PRH1: variants seen among roughly 807,000 people sequenced by gnomAD.
The protein encoded by PRH1 is proline rich protein HaeIII subfamily 1.
PRH1 carries 7 observed loss-of-function variants against 7.9 expected under a neutral mutation model. The ratio of observed to expected loss-of-function variants is 0.89; its 90% confidence interval spans 0.50 to 1.67. The LOEUF (loss-of-function observed/expected upper bound fraction) is 1.67, where lower values mean the gene tolerates loss of function less well. Among genes scored for constraint, PRH1 ranks in the 40% most tolerant of loss-of-function variants. PRH1 has a pLI of 0.00. For synonymous variants in PRH1, 45 were observed against 80.8 expected, an observed-to-expected ratio of 0.56 and a Z score of 2.38; for missense variants, 109 against 223.6, an observed-to-expected ratio of 0.49 and a Z score of 3.27.
chr12:11,024,180 T>A (rs1469593724), intron 1 of PRH1, among the ~76,000 whole-genome samples: 1 of 152,270 alleles, frequency 6.6e-6, no homozygotes, highest in Non-Finnish European at 1.5e-5. Context: ...CCCTTCAGTA[T>A]ATAATGAGCA....
chr12:11,023,668 C>T (rs1941769645), intron 1 of PRH1, among the ~76,000 whole-genome samples: 1 of 152,168 alleles, frequency 6.6e-6, no homozygotes, highest in Non-Finnish European at 1.5e-5. Flanking sequence ...TTTCCACTAA[C>T]CATGAGGACA....
intron 1 of PRH1, among the ~76,000 whole-genome samples, chr12:11,164,968 T>C (rs970995684): frequency 2.0e-5 from 3 of 152,188 alleles, no homozygotes; most frequent in Non-Finnish European, 4.4e-5. Context: ...CACTGATCTG[T>C]TTTCTGTCAC....
At chr12:10,890,054 T>C (rs1422483561) in intron 2 of PRH1, among the ~76,000 whole-genome samples, 1 of 152,158 alleles carries the variant, frequency 6.6e-6, no homozygotes, top group African/African-American at 2.4e-5. Context: ...TTTTTGTGAG[T>C]TGTTTTGAGT....
At chr12:11,016,791 C>T (rs1264311630) in intron 1 of PRH1, among the ~76,000 whole-genome samples, 1 of 152,162 alleles carries the variant, frequency 6.6e-6, no homozygotes, top group East Asian at 1.9e-4. Context: ...TCTTCCTGAC[C>T]TGTAGAGTCA....
intron 1 of PRH1, among the ~76,000 whole-genome samples, chr12:11,020,983 G>A (rs190038859): frequency 1.3e-5 from 2 of 152,222 alleles, no homozygotes; most frequent in East Asian, 3.9e-4. Flanking sequence ...TCATCAGCAT[G>A]TTTCTTCATT....
intron 2 of PRH1, among the ~76,000 whole-genome samples, chr12:10,893,130 T>A (rs1488920452): frequency 6.6e-6 from 1 of 152,248 alleles, no homozygotes; most frequent in African/African-American, 2.4e-5. Context: ...TTACATTTTA[T>A]GCTGGATAAT....
chr12:11,111,061 A>T (rs553640402), intron 1 of PRH1, among the ~76,000 whole-genome samples: 1 of 152,374 alleles, frequency 6.6e-6, no homozygotes, highest in South Asian at 2.1e-4. Flanking sequence ...AAAGAGGAGA[A>T]TTACATAATG....
In PRH1 at chr12:11,093,096, A is replaced by G. The variant is rs1332344814; in HGVS notation, n.124-45908T>C. ...CAGTGTTTGCAATTTTTCCTTGTGTAAACTCTCCATCATTTATCTTTAGTG... is the reference window on the plus strand; with the variant it reads ...CAGTGTTTGCAATTTTTCCTTGTGTGAACTCTCCATCATTTATCTTTAGTG... On this transcript the variant is annotated intron_variant and non_coding_transcript_variant, in intron 1 of 4. Transcript: ENST00000541977. Among the ~76,000 whole-genome samples, 4 of 116,430 alleles carry G rather than the reference A, an allele frequency of 3.4e-5. 1 individual carries two copies. Among genetic ancestry groups the G allele is most frequent in the Non-Finnish European group, 6.1e-5 (3 of 49,300 alleles). The allele number at this position is 116,430 out of a possible 152,430, so 76.4% of individuals were successfully genotyped here.
In PRH1 at chr12:11,150,269, T is replaced by TC. The variant is rs1947027805; in HGVS notation, n.39+21152dup. Among the ~76,000 whole-genome samples, 16 of 152,012 alleles carry TC rather than the reference T, an allele frequency of 1.1e-4. No individual in the cohort carries two copies. The South Asian group carries it at 3.3e-3, about 32-fold the overall frequency. On this transcript the variant is annotated intron_variant and non_coding_transcript_variant, in intron 1 of 1. Transcript: ENST00000541175. ...TTGTGGAAGTCAGTGTGGCGATTCC[T>TC]CAGGGATCTAGAGCTAGAAATACCA... is the stretch of plus-strand genomic sequence containing the variant.
At chr12:11,011,087 T>A (rs1399702641) in intron 1 of PRH1, among the ~76,000 whole-genome samples, 1 of 152,020 alleles carries the variant, frequency 6.6e-6, no homozygotes, top group Non-Finnish European at 1.5e-5. Context: ...AATGTAAAAG[T>A]AGTCTATAAG....
At chr12:10,883,238 G>C (rs1364625249) in intron 1 of PRH1, 142 bp from the exon 2 acceptor site, 4 of 964,656 alleles carry the variant, frequency 4.1e-6, no homozygotes, top group East Asian at 2.5e-5. Flanking sequence ...GATGCTACTG[G>C]AAGTGGAAGA....
At chr12:10,985,763 C>T (rs1939583498) in intron 1 of PRH1, 2 of 573,742 alleles carry the variant, frequency 3.5e-6, no homozygotes, top group South Asian at 5.7e-5. Flanking sequence ...GATGCACACA[C>T]ATAGATACAC....
At chr12:11,047,795 T>C (rs1363397798), upstream of PRH1, among the ~76,000 whole-genome samples, 1 of 152,154 alleles carries the variant, frequency 6.6e-6, no homozygotes, top group Non-Finnish European at 1.5e-5. Context: ...TCTATTTGCT[T>C]TATAATAAAT....
intron 1 of PRH1, among the ~76,000 whole-genome samples, chr12:11,033,561 A>G (rs1352480711): frequency 6.6e-6 from 1 of 152,154 alleles, no homozygotes; most frequent in East Asian, 1.9e-4. Context: ...GCCGAAAGAA[A>G]AAATAGATGG....
intron 2 of PRH1, among the ~76,000 whole-genome samples, chr12:10,960,948 G>A (rs1938209973): frequency 6.6e-6 from 1 of 152,140 alleles, no homozygotes; most frequent in Non-Finnish European, 1.5e-5. Context: ...GGATTTTGGA[G>A]TCAACATATT....
At chr12:11,071,979 A>T (rs1431022814) in intron 1 of PRH1, among the ~76,000 whole-genome samples, 7 of 152,036 alleles carry the variant, frequency 4.6e-5, no homozygotes. Flanking sequence ...GGTTTGAAAT[A>T]AATTCATTAC....
chr12:11,126,787 T>C (rs1179343903), intron 1 of PRH1, among the ~76,000 whole-genome samples: 1 of 152,204 alleles, frequency 6.6e-6, no homozygotes, highest in African/African-American at 2.4e-5. Flanking sequence ...GTTAACAGTA[T>C]ACTGTAAGGC....
At chr12:10,958,838 T>C (rs138681924) in intron 2 of PRH1, among the ~76,000 whole-genome samples, 5 of 152,262 alleles carry the variant, frequency 3.3e-5, no homozygotes, top group African/African-American at 1.2e-4. Context: ...CAAATGATTA[T>C]AAGACTTCGT....
At chr12:10,947,265 A>C (rs78802082) in intron 2 of PRH1, among the ~76,000 whole-genome samples, 3,006 of 152,160 alleles carry the variant, frequency 0.02, 34 homozygotes, top group African/African-American at 0.031. Context: ...GTGTATGTCT[A>C]TTTGTAGGTC....
Sources: gnomAD v4.1 joint callset for allele counts (sites outside exome capture counted in the v4.1 genomes callset) on GRCh38, gnomAD v4.1.1 for gene constraint, MANE v1.5 for transcripts, NCBI Gene and HGNC (gene_info 2026-07-23, HGNC 2026-07-21) for gene names.